CAPZA1: variants seen among roughly 807,000 people sequenced by gnomAD.
CAPZA1 encodes the protein F-actin-capping protein subunit alpha-1.
A neutral mutation model predicts 40.8 loss-of-function variants in CAPZA1; 10 were observed. The ratio of observed to expected loss-of-function variants is 0.25; its 90% CI spans 0.15 to 0.42. The LOEUF is 0.42. Ranked by LOEUF, CAPZA1 falls within the 10% of genes least tolerant of loss-of-function variation. The pLI is 1.00. For missense variants in CAPZA1, 277 were observed against 353.8 expected (o/e 0.78, Z 1.74); for synonymous variants, 98 against 115.0 (o/e 0.85, Z 0.95).
chr1:112,654,354 C>A (rs960545551), intron 4 of CAPZA1, 111 bp from the exon 5 acceptor site: 2 of 649,840 alleles, frequency 3.1e-6, no homozygotes, highest in South Asian at 4.5e-5. Flanking sequence ...TGAAAGAAAT[C>A]TGACTAAATG....
chr1:112,633,177 C>T (rs1252409638), intron 1 of CAPZA1, among the ~76,000 whole-genome samples: 1 of 152,164 alleles, frequency 6.6e-6, no homozygotes, highest in African/African-American at 2.4e-5. Context: ...ACTTATTTTT[C>T]CAGTCTCACT....
chr1:112,625,270 G>A (rs1670783456), intron 1 of CAPZA1, among the ~76,000 whole-genome samples: 1 of 152,204 alleles, frequency 6.6e-6, no homozygotes, highest in East Asian at 1.9e-4. Flanking sequence ...CCCATAAACT[G>A]CAAAGCCTTA....
intron 1 of CAPZA1, among the ~76,000 whole-genome samples, chr1:112,623,461 AT>A (rs1670725325): frequency 1.3e-5 from 2 of 152,198 alleles, no homozygotes; most frequent in African/African-American, 2.4e-5. Context: ...CAGGTGCATC[AT>A]CTGAGGTCGG....
chr1:112,653,758 T>A (rs935464027), intron 4 of CAPZA1, 97 bp downstream of exon 4: 1 of 827,314 alleles, frequency 1.2e-6, no homozygotes, highest in Non-Finnish European at 2.0e-6. Context: ...CTGAATAAAT[T>A]TGTCTTAGTT....
At chr1:112,663,295 T>C (rs1414230270) in intron 7 of CAPZA1, among the ~76,000 whole-genome samples, 1 of 152,162 alleles carries the variant, frequency 6.6e-6, no homozygotes, top group African/African-American at 2.4e-5. Flanking sequence ...TTTCAGTCCC[T>C]GAACCTCTAG....
intron 1 of CAPZA1, among the ~76,000 whole-genome samples, chr1:112,639,601 G>C (rs959212141): frequency 1.3e-5 from 2 of 152,084 alleles, no homozygotes; most frequent in African/African-American, 4.8e-5. Flanking sequence ...TTTAGGATTT[G>C]GACATCCTCA....
intron 1 of CAPZA1, among the ~76,000 whole-genome samples, chr1:112,631,678 A>G (rs1670919483): frequency 6.6e-6 from 1 of 152,036 alleles, no homozygotes; most frequent in African/African-American, 2.4e-5. Flanking sequence ...CATCTACATC[A>G]TTGCTCGCTA....
intron 8 of CAPZA1, 59 bp from the exon 9 acceptor site, chr1:112,669,484 T>C: frequency 2.2e-5 from 26 of 1,157,184 alleles, no homozygotes; most frequent in Non-Finnish European, 3.3e-5. Flanking sequence ...ACTTTCAGGA[T>C]CTTACTGCTT....
chr1:112,662,465 CT>C lies in CAPZA1; in HGVS notation c.585+2687del. On this transcript the variant is annotated intron_variant, in intron 7 of 9. Coordinates refer to ENST00000263168, the MANE Select transcript of CAPZA1 (RefSeq NM_006135.3). ...CCAGGATGGAGTGCAGTGGCAGGAT[CT>C]CGGCTCACTGCAAGCTCCACCTCCC... 3.2e-5 allele frequency among the ~76,000 whole-genome samples: 4 copies of C among 125,810 alleles called. No homozygotes were observed. The South Asian group carries it at 1.1e-3, about 33-fold the overall frequency. 82.5% of individuals were successfully genotyped at this position (125,810 alleles called of 152,430 possible). A position where few individuals can be genotyped will look rare whatever the true frequency, so the allele number is the denominator to read the frequency against.
At chr1:112,669,105 A>T in intron 8 of CAPZA1, among the ~76,000 whole-genome samples, 1 of 152,202 alleles carries the variant, frequency 6.6e-6, no homozygotes, top group Admixed American at 6.5e-5. Flanking sequence ...AAATAAAGGC[A>T]TATGTGAGCT....
intron 1 of CAPZA1, among the ~76,000 whole-genome samples, chr1:112,632,468 T>TA (rs958788703): frequency 1.3e-5 from 2 of 151,812 alleles, no homozygotes; most frequent in African/African-American, 4.8e-5. Flanking sequence ...TTCAAAGACT[T>TA]ACACATCAAA....
At chr1:112,628,649 C>T (rs373245577) in intron 1 of CAPZA1, among the ~76,000 whole-genome samples, 208 of 152,292 alleles carry the variant, frequency 1.4e-3, no homozygotes, top group Non-Finnish European at 2.6e-3. Flanking sequence ...GACATTTTTC[C>T]TCTAGATAGG....
In CAPZA1 at chr1:112,659,733, C is replaced by T. The variant is rs771369392; in HGVS notation, c.539C>T (p.Thr180Ile). Residue 180 changes from threonine (T) to isoleucine (I), a missense_variant, in exon 7 of 10, where the codon ACC (threonine) becomes ATC (isoleucine). Around this residue, in one of 2 missense-constraint regions of CAPZA1, gnomAD observed 192 missense variants for 277.2 expected, o/e 0.69. Transcript: ENST00000263168. Reference protein sequence around the residue: ...NGRWRSEWKFTITPPTAQVVG... With the variant: ...NGRWRSEWKFIITPPTAQVVG... ...CGTTGGAGATCAGAGTGGAAGTTCA[C>T]CATCACACCACCTACAGCCCAGGTG... 1.9e-6 allele frequency: 3 copies of T among 1,613,516 alleles called. No homozygotes were observed. Among genetic ancestry groups the T allele is most frequent in the Non-Finnish European group, 2.5e-6 (3 of 1,179,894 alleles).
chr1:112,671,169 T>C lies in CAPZA1; in HGVS notation c.*1037T>C, dbSNP rs185144332. ...GGATGTAAAACTTCTTTCAAATTAC[T>C]CTTCCTCAGTCCTGCCTGCCAAGAA... is the stretch of plus-strand genomic sequence containing the variant. On this transcript the variant is annotated 3_prime_UTR_variant, in exon 10 of 10. Coordinates refer to ENST00000263168, the MANE Select transcript of CAPZA1 (RefSeq NM_006135.3). 1 of 152,774 alleles carries C rather than the reference T, an allele frequency of 6.5e-6. No individual in the cohort carries two copies. Among genetic ancestry groups the C allele is most frequent in the African/African-American group, 2.4e-5 (1 of 41,582 alleles). 9.5% of individuals were successfully genotyped at this position (152,774 alleles called of 1,614,324 possible). A position where few individuals can be genotyped will look rare whatever the true frequency, so the allele number is the denominator to read the frequency against.
At chr1:112,642,168 T>G (rs1671180979) in intron 1 of CAPZA1, among the ~76,000 whole-genome samples, 1 of 142,730 alleles carries the variant, frequency 7.0e-6, no homozygotes, top group African/African-American at 2.5e-5. Context: ...CCAATCCATC[T>G]CAAACATCAC....
At chr1:112,662,575 T>C (rs1294836533) in intron 7 of CAPZA1, among the ~76,000 whole-genome samples, 2 of 151,772 alleles carry the variant, frequency 1.3e-5, no homozygotes, top group Non-Finnish European at 2.9e-5. Flanking sequence ...ATTTTTTGTA[T>C]TTTTAGTAGA....
At chr1:112,631,875 A>AT (rs1287433350) in intron 1 of CAPZA1, among the ~76,000 whole-genome samples, 1 of 151,878 alleles carries the variant, frequency 6.6e-6, no homozygotes, top group Non-Finnish European at 1.5e-5. Flanking sequence ...ACTCATTTTA[A>AT]TTTTTTTTCT....
intron 8 of CAPZA1, among the ~76,000 whole-genome samples, chr1:112,668,128 A>T (rs1570729601): frequency 6.6e-6 from 1 of 151,882 alleles, no homozygotes; most frequent in Non-Finnish European, 1.5e-5. Flanking sequence ...CTACAAAAAA[A>T]ATATAAAAAT....
intron 7 of CAPZA1, among the ~76,000 whole-genome samples, chr1:112,660,933 C>A (rs1014595186): frequency 1.4e-5 from 2 of 139,790 alleles, no homozygotes; most frequent in African/African-American, 5.4e-5. Flanking sequence ...TCTTGGCTCA[C>A]TGCAACCTCT....
Sources: allele counts gnomAD v4.1 joint callset (sites outside exome capture counted in the v4.1 genomes callset), GRCh38; gene constraint gnomAD v4.1.1; regional missense constraint gnomAD v4.1.1; transcripts MANE v1.5; gene names NCBI Gene and HGNC (gene_info 2026-07-23, HGNC 2026-07-21).